ZNF320: variants seen among roughly 807,000 people sequenced by gnomAD.
The protein encoded by ZNF320 is zinc finger protein 320.
Under a neutral mutation model 6.8 loss-of-function variants are expected in ZNF320, and 2 were observed. The observed-to-expected ratio is 0.29, with a 90% CI of 0.12 to 0.93. The LOEUF (loss-of-function observed/expected upper bound fraction) is 0.93. Among genes scored for constraint, ZNF320 ranks in the 40% least tolerant of loss-of-function variants. ZNF320 has a pLI of 0.55. For synonymous variants in ZNF320, 208 were observed against 203.2 expected (o/e 1.02, Z -0.20); for missense variants, 472 against 611.0 (o/e 0.77, Z 2.40).
rs375096963 is a variant in ZNF320, at chr19:52,881,983, T to G, written c.143A>C (p.Asp48Ala). 191 of 1,603,818 alleles carry G rather than the reference T, an allele frequency of 1.2e-4. No individual in the cohort carries two copies. Among genetic ancestry groups the G allele is most frequent in the Non-Finnish European group, 1.6e-4 (183 of 1,176,274 alleles). Residue 48 changes from aspartate to alanine, a missense_variant and splice_region_variant, in exon 6 of 6, where the codon GAT becomes GCT. By Grantham distance (126) the Asp-to-Ala change is moderately radical. Around this residue, in one of 2 missense-constraint regions of ZNF320, gnomAD observed 462 missense variants for 559.7 expected, o/e 0.83. Coordinates refer to ENST00000682928, the MANE Select transcript of ZNF320 (RefSeq NM_001351774.2). ...LENYRNLVSL[D>A]ISSKCMMNTL... ...ATTCATCATGCATTTGGAAGAGATA[T>G]CTACAAAATATAAACACCAATAGGT...
chr19:52,887,552 A>G (rs771451169), intron 5 of ZNF320, among the ~76,000 whole-genome samples: 2 of 152,214 alleles, frequency 1.3e-5, no homozygotes, highest in Non-Finnish European at 2.9e-5. Context: ...CAGGAGAAGC[A>G]AACAGGGAAC....
chr19:52,903,917 C>T, the ZNF320 span, among the ~76,000 whole-genome samples: 3 of 152,152 alleles, frequency 2.0e-5, no homozygotes, highest in Non-Finnish European at 1.5e-5. Flanking sequence ...ACAAAAGTGC[C>T]AATGCAGGCA....
At position 52,861,582 on chromosome 19, in the gene ZNF320, CA is replaced by C. The variant is rs1297786462; in HGVS notation, c.*2446del. Among the ~76,000 whole-genome samples the C allele has an allele frequency of 3.3e-5, 5 of 152,270 alleles. No individual in the cohort carries two copies. The South Asian group carries it at 1.0e-3, about 32-fold the overall frequency. ...AAGGGATCTAACTGCCTTGGCCTCC[CA>C]AAGTGCTGGGATTACAGGCATGAGC... On this transcript the variant is annotated 3_prime_UTR_variant, in exon 6 of 6. Coordinates refer to the ZNF320 transcript ENST00000673631.
At chr19:52,874,021 C>T, downstream of ZNF320, 1 of 463,416 alleles carries the variant, frequency 2.2e-6, no homozygotes. Flanking sequence ...GGCTCCTTTT[C>T]TTTGCCTTCT....
chr19:52,880,638 A>G lies in ZNF320; in HGVS notation c.1488T>C (p.Cys496=), dbSNP rs1264800809. Residue 496 remains cysteine (C), a synonymous_variant, in exon 6 of 6, where the codon TGT becomes TGC. Coordinates refer to ENST00000682928, the MANE Select transcript of ZNF320 (RefSeq NM_001351774.2). ...EHQKIPFGDN[C]FKCNEYSKPS... ...GTTTGCTATACTCATTGCACTTGAA[A>G]CAATTGTCTCCAAAAGGAATTTTCT... is the stretch of plus-strand genomic sequence containing the variant. 1 of 1,613,042 alleles carries G rather than the reference A, an allele frequency of 6.2e-7. No homozygotes were observed. Among genetic ancestry groups the G allele is most frequent in the Non-Finnish European group, 8.5e-7 (1 of 1,179,522 alleles).
chr19:52,890,316 T>C lies in ZNF320; in HGVS notation c.-61A>G. 1 of 1,582,082 alleles carries C rather than the reference T, an allele frequency of 6.3e-7. No homozygotes were observed. The highest frequency in any genetic ancestry group is 1.8e-5 in the Admixed American group (1 of 56,600). On this transcript the variant is annotated 5_prime_UTR_variant, in exon 4 of 6. Transcript: ENST00000682928. ...TTTCTTCCTCAGGTACCAAGAGTCT[T>C]TAGAAGTCAATCCTAAATGTTAGAA...
In ZNF320 at chr19:52,887,313, C is replaced by G. The variant is rs190239016; in HGVS notation, c.142+814G>C. ...TTCCCTTGCTCCAACATGGAGATAA[C>G]AGGTCAGAAAGAGACTCGTGCTTAT... On this transcript the variant is annotated intron_variant, in intron 5 of 5. Transcript: ENST00000682928. Among the ~76,000 whole-genome samples, 3 of 152,278 alleles carry G rather than the reference C, an allele frequency of 2.0e-5. No individual in the cohort carries two copies. The East Asian group carries it at 5.8e-4, about 29-fold the overall frequency.
intron 5 of ZNF320, among the ~76,000 whole-genome samples, chr19:52,882,414 A>G (rs2063950528): frequency 6.6e-6 from 1 of 152,246 alleles, no homozygotes; most frequent in African/African-American, 2.4e-5. Flanking sequence ...ATAATCCACA[A>G]CAAGCTCTTG....
At chr19:52,868,565 G>A (rs1357374168) in intron 5 of ZNF320, among the ~76,000 whole-genome samples, 2 of 151,688 alleles carry the variant, frequency 1.3e-5, no homozygotes, top group Non-Finnish European at 2.9e-5. Context: ...TCTCAAATAA[G>A]TACAGCAGGC....
downstream of ZNF320, among the ~76,000 whole-genome samples, chr19:52,860,597 C>CAAAAAAAAAAA (rs113315558): frequency 7.6e-5 from 9 of 118,722 alleles, no homozygotes; most frequent in African/African-American, 1.3e-4. Context: ...GAAACGGCAT[C>CAAAAAAAAAAA]AAAAAAAAAA....
downstream of ZNF320, chr19:52,874,025 G>T: frequency 2.2e-6 from 1 of 460,986 alleles, no homozygotes; most frequent in Non-Finnish European, 4.3e-6. Context: ...CCTTTTCTTT[G>T]CCTTCTTGGT....
chr19:52,901,241 A>G (rs1173192323), upstream of ZNF320, among the ~76,000 whole-genome samples: 1 of 152,230 alleles, frequency 6.6e-6, no homozygotes, highest in Non-Finnish European at 1.5e-5. Flanking sequence ...CTATAAAATA[A>G]TAGGACTGTA....
exon 6 of ZNF320, among the ~76,000 whole-genome samples, chr19:52,861,178 C>T (rs1218239302): frequency 6.6e-6 from 1 of 152,082 alleles, no homozygotes; most frequent in Admixed American, 6.6e-5. Context: ...TTGCAGAATA[C>T]AATATCAGCA....
In ZNF320 at chr19:52,881,614, C is replaced by T; in HGVS notation, c.512G>A (p.Ser171Asn). Residue 171 changes from serine (S) to asparagine (N), a missense_variant, in exon 6 of 6, where the codon AGT (serine) becomes AAT (asparagine). Transcript: ENST00000682928. ...ATGTATTTCAAGATGTGATTTGCAA[C>T]TGAAAACTTTCTCACATTCTTCACA... ...YKCEECEKVF[S>N]CKSHLEIHRI... The T allele has an allele frequency of 6.2e-7, 1 of 1,613,972 alleles. No individual in the cohort carries two copies. Among genetic ancestry groups the T allele is most frequent in the Non-Finnish European group, 8.5e-7 (1 of 1,179,930 alleles).
chr19:52,891,866 C>A (rs12975820), intron 2 of ZNF320, among the ~76,000 whole-genome samples: 23,730 of 152,064 alleles, frequency 0.16, 1,926 homozygotes, highest in East Asian at 0.27. Flanking sequence ...TGAATTCTTA[C>A]ATGGGGGCCC....
intron 4 of ZNF320, among the ~76,000 whole-genome samples, chr19:52,889,067 C>T (rs947446011): frequency 1.3e-5 from 2 of 152,036 alleles, no homozygotes; most frequent in Non-Finnish European, 2.9e-5. Flanking sequence ...ACATGGAGTC[C>T]CAGCTACTGG....
rs780910534 is a variant in ZNF320, at chr19:52,880,780, G to C, written c.1346C>G (p.Ala449Gly). 1.2e-6 allele frequency: 2 copies of C among 1,613,914 alleles called. No homozygotes were observed. Among genetic ancestry groups the C allele is most frequent in the South Asian group, 2.2e-5 (2 of 91,070 alleles). The change falls in exon 6 of 6, where the codon GCC (alanine) becomes GGC (glycine). Residue 449 changes from alanine (A) to glycine (G), a missense_variant. By Grantham distance (60) the Ala-to-Gly change is moderately conservative. Around this residue, in one of 2 missense-constraint regions of ZNF320, gnomAD observed 462 missense variants for 559.7 expected, o/e 0.83. Coordinates refer to ENST00000682928, the MANE Select transcript of ZNF320 (RefSeq NM_001351774.2). ...AATAAGGTGTGAAGGTGAATTAAAG[G>C]CTTTACCACAATCACCACACTTGTG... The part of the protein sequence containing the change: ...KPHKCGDCGK[A>G]FNSPSHLIRH...
downstream of ZNF320, chr19:52,874,060 C>T (rs777735093): frequency 2.4e-6 from 1 of 419,466 alleles, no homozygotes; most frequent in African/African-American, 2.1e-5. Context: ...ACATAAGTCT[C>T]TGGAAATCAA....
At chr19:52,897,146 T>A (rs941089740) in intron 1 of ZNF320, among the ~76,000 whole-genome samples, 9 of 152,136 alleles carry the variant, frequency 5.9e-5, no homozygotes, top group African/African-American at 2.2e-4. Flanking sequence ...CTTGATTGCA[T>A]ATATTCGTTT....
Sources: allele counts gnomAD v4.1 joint callset (sites outside exome capture counted in the v4.1 genomes callset), GRCh38; gene constraint gnomAD v4.1.1; regional missense constraint gnomAD v4.1.1; transcripts MANE v1.5; gene names NCBI Gene and HGNC (gene_info 2026-07-23, HGNC 2026-07-21).